RP1: variants seen among roughly 807,000 people sequenced by gnomAD.
RP1 encodes the protein oxygen-regulated protein 1.
A neutral mutation model predicts 14.8 loss-of-function variants in RP1; 16 were observed. The observed-to-expected ratio is 1.08, with a 90% confidence interval of 0.73 to 1.65. RP1 has a LOEUF of 1.65. Among genes scored for constraint, RP1 ranks in the 40% most tolerant of loss-of-function variants. The pLI is 0.00. For missense variants in RP1, 2,631 were observed against 2,535.0 expected (o/e 1.04, Z -0.81); for synonymous variants, 876 against 883.6 (o/e 0.99, Z 0.15).
At position 54,626,894 on chromosome 8, in the gene RP1, C is replaced by G; in HGVS notation, c.3012C>G (p.Leu1004=). The change falls in exon 4 of 4, where the codon CTC becomes CTG. Residue 1004 remains leucine (L), a synonymous_variant. Transcript: ENST00000220676. ...FIANDTGEED[L]HETQVGSLND... is the part of the protein sequence containing the mutation. ...CCAATGACACTGGTGAAGAAGATCTCCATGAGACACAGGTTGGATCTCTGA... is the reference window on the plus strand; with the variant it reads ...CCAATGACACTGGTGAAGAAGATCTGCATGAGACACAGGTTGGATCTCTGA... 6.2e-7 allele frequency: 1 copy of G among 1,613,774 alleles called. No homozygotes were observed. Among genetic ancestry groups the G allele is most frequent in the Non-Finnish European group, 8.5e-7 (1 of 1,179,938 alleles).
intron 17 of RP1, chr8:54,734,512 C>A: frequency 3.3e-6 from 5 of 1,508,978 alleles, no homozygotes; most frequent in Non-Finnish European, 4.4e-6. Context: ...GATGTTATAT[C>A]TGATCTGCCA....
chr8:54,719,351 G>A (rs1808482348), intron 15 of RP1, among the ~76,000 whole-genome samples: 1 of 152,212 alleles, frequency 6.6e-6, no homozygotes, highest in South Asian at 2.1e-4. Flanking sequence ...AAGCGAGAGA[G>A]AAAGAGAGAG....
chr8:54,794,684 A>G (rs1421077600), intron 24 of RP1, among the ~76,000 whole-genome samples: 2 of 152,088 alleles, frequency 1.3e-5, no homozygotes, highest in African/African-American at 2.4e-5. Context: ...GTTTTTGGCT[A>G]TGACACCAGA....
At chr8:54,780,597 G>C (rs1022531934) in intron 23 of RP1, among the ~76,000 whole-genome samples, 1 of 152,072 alleles carries the variant, frequency 6.6e-6, no homozygotes, top group Non-Finnish European at 1.5e-5. Context: ...TACTGAACAC[G>C]TACAGACTTT....
At chr8:54,774,095 G>A (rs1030034538), downstream of RP1, among the ~76,000 whole-genome samples, 1 of 152,154 alleles carries the variant, frequency 6.6e-6, no homozygotes, top group South Asian at 2.1e-4. Flanking sequence ...CATGCATTCT[G>A]AGTCAACTAT....
exon 10 of RP1, chr8:54,679,444 T>C (rs1209913402): frequency 7.8e-6 from 12 of 1,535,766 alleles, no homozygotes; most frequent in Non-Finnish European, 5.2e-6. Context: ...GGGAAGATGA[T>C]TGTAAAATTG....
At chr8:54,790,881 G>A (rs1305691628) in intron 24 of RP1, among the ~76,000 whole-genome samples, 1 of 152,052 alleles carries the variant, frequency 6.6e-6, no homozygotes, top group African/African-American at 2.4e-5. Flanking sequence ...AACAATATAT[G>A]CATTATGAAA....
Position 54,855,443 on chromosome 8 carries a change from A to T in RP1, c.3991-1585A>T, listed in dbSNP as rs1344517286. Among the ~76,000 whole-genome samples the T allele has an allele frequency of 2.0e-5, 3 of 152,254 alleles. No homozygotes were observed. In the East Asian group the frequency reaches 5.8e-4, roughly 29 times the overall value. On this transcript the variant is annotated intron_variant, in intron 26 of 28. Coordinates refer to the RP1 transcript ENST00000637698. ...TCGCTATGAACATGACTAGACAGTTATAAGCTAAAACTTTAAAGACAAATC... is the reference window on the plus strand; with the variant it reads ...TCGCTATGAACATGACTAGACAGTTTTAAGCTAAAACTTTAAAGACAAATC...
chr8:54,682,793 T>C (rs986155836), intron 12 of RP1, among the ~76,000 whole-genome samples: 5 of 152,206 alleles, frequency 3.3e-5, no homozygotes, highest in Admixed American at 2.0e-4. Context: ...GCAGAAGCTC[T>C]TTAGTTTAAT....
rs113210579 is a variant in RP1 at position 54,574,725 on chromosome 8, C to A, written c.-13+15405C>A. On this transcript the variant is annotated intron_variant, in intron 1 of 22. Transcript: ENST00000636932. ...ATCTATGTTGTTGGATTAAAAAAAA[C>A]CACTCCAGAGTTAACTTAAAAATGA... is the stretch of plus-strand genomic sequence containing the variant. Among the ~76,000 whole-genome samples the A allele has an allele frequency of 8.3e-5, 12 of 145,258 alleles. No homozygotes were observed. The East Asian group carries it at 1.6e-3, about 19-fold the overall frequency.
At chr8:54,726,445 G>A in exon 17 of RP1, 1 of 1,534,216 alleles carries the variant, frequency 6.5e-7, no homozygotes, top group Non-Finnish European at 8.7e-7. Flanking sequence ...CAGAATCTGA[G>A]GCTAGGAGTC....
intron 27 of RP1, among the ~76,000 whole-genome samples, chr8:54,859,783 AT>A (rs1034216964): frequency 1.3e-5 from 2 of 152,096 alleles, no homozygotes; most frequent in Admixed American, 6.5e-5. Context: ...TTTTATTGTG[AT>A]TTCCTGCTTT....
At chr8:54,739,081 G>A in intron 19 of RP1, 1 of 1,302,596 alleles carries the variant, frequency 7.7e-7, no homozygotes, top group Non-Finnish European at 1.1e-6. Context: ...ATGAAAAGAA[G>A]CAAGCTGGCT....
intron 19 of RP1, among the ~76,000 whole-genome samples, chr8:54,744,489 T>C (rs1162276963): frequency 1.3e-5 from 2 of 152,248 alleles, no homozygotes; most frequent in East Asian, 3.8e-4. Flanking sequence ...TGAAATAGTT[T>C]CCTTGTGTTC....
chr8:54,672,675 T>C (rs1807203967), intron 7 of RP1, among the ~76,000 whole-genome samples: 1 of 152,192 alleles, frequency 6.6e-6, no homozygotes, highest in African/African-American at 2.4e-5. Context: ...CCAGTTTTAT[T>C]GTTGAATGTA....
chr8:54,870,922 T>C lies in RP1; in HGVS notation c.*980T>C, dbSNP rs1408386600. The C allele has an allele frequency of 2.0e-5, 3 of 152,114 alleles. No individual in the cohort carries two copies. The East Asian group carries it at 5.8e-4, about 29-fold the overall frequency. The allele number at this position is 152,114 out of a possible 1,614,324, so 9.4% of individuals were successfully genotyped here. A position where few individuals can be genotyped will look rare whatever the true frequency, so the allele number is the denominator to read the frequency against. On this transcript the variant is annotated 3_prime_UTR_variant, in exon 29 of 29. Coordinates refer to the RP1 transcript ENST00000637698. ...CCTAGAAGTCTGACTTCAGAGCCCGTGCGCGTCCACACTGTGACCTTGGCC... is the reference window on the plus strand; with the variant it reads ...CCTAGAAGTCTGACTTCAGAGCCCGCGCGCGTCCACACTGTGACCTTGGCC...
chr8:54,822,576 G>A (rs766777492), intron 24 of RP1, among the ~76,000 whole-genome samples: 21 of 152,104 alleles, frequency 1.4e-4, no homozygotes, highest in Non-Finnish European at 2.5e-4. Context: ...GAATATATGA[G>A]TATTTTACTT....
intron 3 of RP1, among the ~76,000 whole-genome samples, chr8:54,636,827 C>T (rs754150323): frequency 6.6e-6 from 1 of 152,146 alleles, no homozygotes; most frequent in Non-Finnish European, 1.5e-5. Context: ...AGAATAATTT[C>T]ATGTCATTTA....
At chr8:54,859,479 AG>A (rs1228292672) in intron 27 of RP1, among the ~76,000 whole-genome samples, 1 of 150,576 alleles carries the variant, frequency 6.6e-6, no homozygotes, top group East Asian at 2.0e-4. Flanking sequence ...GTCACTGTGG[AG>A]CGTTGTCACT....
Sources: gnomAD v4.1 joint callset for allele counts (sites outside exome capture counted in the v4.1 genomes callset) on GRCh38, gnomAD v4.1.1 for gene constraint, MANE v1.5 for transcripts, NCBI Gene and HGNC (gene_info 2026-07-23, HGNC 2026-07-21) for gene names.